The following ELL2 variants were observed in gnomAD, a reference collection of about 807,000 sequenced individuals.
The protein encoded by ELL2 is elongation factor for RNA polymerase II 2.
Under a neutral mutation model 72.8 loss-of-function variants are expected in ELL2, and 21 were observed. That is an observed-to-expected ratio of 0.29 (90% CI 0.20 to 0.42). The LOEUF (loss-of-function observed/expected upper bound fraction) is 0.42, where lower values mean the gene tolerates loss of function less well. Ranked by LOEUF, ELL2 falls within the 10% of genes least tolerant of loss-of-function variation. The pLI, the probability that ELL2 is intolerant of heterozygous loss-of-function variation, is 1.00. For synonymous variants in ELL2, 266 were observed against 283.2 expected (o/e 0.94, Z 0.61); for missense variants, 568 against 772.8 (o/e 0.73, Z 3.14).
At chr5:95,892,366 C>T (rs1040245934) in intron 9 of ELL2, among the ~76,000 whole-genome samples, 1 of 152,106 alleles carries the variant, frequency 6.6e-6, no homozygotes. Flanking sequence ...AGTCTGGTCT[C>T]GAACCCCTGG....
In ELL2 at chr5:95,945,141, G is replaced by C. The variant is rs138628885; in HGVS notation, c.148-2092C>G. The stretch of plus-strand genomic sequence containing the variant: ...CTTACTACTGCTGATAGGACATTTT[G>C]CATTAGAAACTCACAATGGCAGCAA... On this transcript the variant is annotated intron_variant, in intron 1 of 11. Transcript: ENST00000237853. 5.9e-5 allele frequency among the ~76,000 whole-genome samples: 9 copies of C among 152,224 alleles called. No homozygotes were observed. The East Asian group carries it at 9.6e-4, about 16-fold the overall frequency.
At chr5:95,905,665 T>C (rs1489415367) in intron 5 of ELL2, among the ~76,000 whole-genome samples, 1 of 152,156 alleles carries the variant, frequency 6.6e-6, no homozygotes, top group African/African-American at 2.4e-5. Context: ...ACATTTAGTA[T>C]TATGTTGTGA....
At chr5:95,912,076 G>A (rs1749624206) in intron 4 of ELL2, among the ~76,000 whole-genome samples, 1 of 152,210 alleles carries the variant, frequency 6.6e-6, no homozygotes, top group African/African-American at 2.4e-5. Flanking sequence ...ATTATTTGTA[G>A]TATCTATAAG....
chr5:95,893,046 G>C (rs1228655450), intron 9 of ELL2, among the ~76,000 whole-genome samples: 3 of 152,136 alleles, frequency 2.0e-5, no homozygotes, highest in African/African-American at 7.2e-5. Context: ...TTAAAACTTA[G>C]ACTTAATTTG....
intron 2 of ELL2, among the ~76,000 whole-genome samples, chr5:95,920,241 T>TTTG (rs947840201): frequency 6.6e-6 from 1 of 151,688 alleles, no homozygotes; most frequent in African/African-American, 2.4e-5. Context: ...ATGTATTTTC[T>TTTG]TTGTTGTTGT....
At chr5:95,957,164 C>A (rs951799265) in intron 1 of ELL2, among the ~76,000 whole-genome samples, 1 of 152,152 alleles carries the variant, frequency 6.6e-6, no homozygotes, top group African/African-American at 2.4e-5. Context: ...GGCTCAGCAA[C>A]AAAATCTGAA....
intron 2 of ELL2, among the ~76,000 whole-genome samples, chr5:95,930,326 C>A (rs1028172749): frequency 6.6e-6 from 1 of 152,172 alleles, no homozygotes; most frequent in Non-Finnish European, 1.5e-5. Flanking sequence ...GCTTAGAATT[C>A]ATGACTGCAG....
At chr5:95,946,690 C>G (rs538095806) in intron 1 of ELL2, among the ~76,000 whole-genome samples, 19 of 152,314 alleles carry the variant, frequency 1.2e-4, no homozygotes, top group Admixed American at 8.5e-4. Context: ...CTATGTTAAC[C>G]TTTGTTTGTT....
chr5:95,899,577 CA>C (rs1749053122), intron 7 of ELL2, among the ~76,000 whole-genome samples: 1 of 151,892 alleles, frequency 6.6e-6, no homozygotes, highest in Non-Finnish European at 1.5e-5. Flanking sequence ...AATCTGTCAA[CA>C]ACAATAATAG....
In ELL2 at chr5:95,886,743, C is replaced by G. The variant is rs780914796; in HGVS notation, c.*2128G>C. ...TAAAAGTTTAGAACTACATCCAAGC[C>G]AATGGTTCTCATACTTTAGCTTGCA... On this transcript the variant is annotated 3_prime_UTR_variant, in exon 12 of 12. Transcript: ENST00000237853. 2 of 151,642 alleles carry G rather than the reference C, an allele frequency of 1.3e-5. No individual in the cohort carries two copies. Among genetic ancestry groups the G allele is most frequent in the Admixed American group, 6.6e-5 (1 of 15,222 alleles). The allele number at this position is 151,642 out of a possible 1,614,324, so 9.4% of individuals were successfully genotyped here.
intron 1 of ELL2, among the ~76,000 whole-genome samples, chr5:95,958,651 G>C (rs914573128): frequency 6.6e-6 from 1 of 152,296 alleles, no homozygotes; most frequent in African/African-American, 2.4e-5. Flanking sequence ...GTCAGCTTAT[G>C]TACCATCCCC....
intron 2 of ELL2, among the ~76,000 whole-genome samples, chr5:95,924,739 G>C (rs1750224913): frequency 6.6e-6 from 1 of 152,076 alleles, no homozygotes; most frequent in Admixed American, 6.5e-5. Flanking sequence ...CCAACCTCCT[G>C]TCTGTCTTTG....
intron 1 of ELL2, 87 bp downstream of exon 1, chr5:95,961,488 C>T: frequency 7.4e-7 from 1 of 1,346,912 alleles, no homozygotes; most frequent in Non-Finnish European, 9.6e-7. Context: ...CCAGCCACGG[C>T]TCCGCCGGCC....
At chr5:95,933,018 A>T (rs1446343773) in intron 2 of ELL2, among the ~76,000 whole-genome samples, 1 of 152,224 alleles carries the variant, frequency 6.6e-6, no homozygotes, top group Non-Finnish European at 1.5e-5. Context: ...CTATCTTAAA[A>T]CATTGCAGTA....
intron 8 of ELL2, among the ~76,000 whole-genome samples, chr5:95,896,039 T>C (rs985376257): frequency 2.6e-5 from 4 of 152,190 alleles, no homozygotes; most frequent in Non-Finnish European, 4.4e-5. Flanking sequence ...AGCCAGACAA[T>C]GGGAGATACA....
At chr5:95,926,389 T>C (rs1244189310) in intron 2 of ELL2, among the ~76,000 whole-genome samples, 2 of 152,166 alleles carry the variant, frequency 1.3e-5, no homozygotes, top group Non-Finnish European at 2.9e-5. Flanking sequence ...ATATGATAGC[T>C]ATTTTACTGA....
intron 10 of ELL2, among the ~76,000 whole-genome samples, chr5:95,890,272 G>A (rs1748611085): frequency 2.0e-5 from 3 of 152,262 alleles, no homozygotes; most frequent in South Asian, 2.1e-4. Context: ...AGGCCCTCTA[G>A]TAGAAGACAT....
At chr5:95,946,340 C>G (rs1346871586) in intron 1 of ELL2, among the ~76,000 whole-genome samples, 1 of 152,148 alleles carries the variant, frequency 6.6e-6, no homozygotes, top group Non-Finnish European at 1.5e-5. Flanking sequence ...ATATCAGACA[C>G]CAAAGAAAGA....
chr5:95,949,115 T>TGATAG (rs1751283641), intron 1 of ELL2, among the ~76,000 whole-genome samples: 1 of 152,218 alleles, frequency 6.6e-6, no homozygotes. Flanking sequence ...AAGAGATCTA[T>TGATAG]GTACACTTAT....
Sources: allele counts gnomAD v4.1 joint callset (sites outside exome capture counted in the v4.1 genomes callset), GRCh38; gene constraint gnomAD v4.1.1; transcripts MANE v1.5; gene names NCBI Gene and HGNC (gene_info 2026-07-23, HGNC 2026-07-21).